The following THOP1 variants were observed in gnomAD, a reference collection of about 807,000 sequenced individuals.
The protein encoded by THOP1 is thimet oligopeptidase.
In THOP1, 49 loss-of-function variants were observed where a neutral mutation model predicts 71.8. The ratio of observed to expected loss-of-function variants is 0.68; its 90% confidence interval spans 0.54 to 0.87. The LOEUF is 0.87. THOP1 is among the 40% of genes least tolerant of loss of function. The probability of loss-of-function intolerance (pLI) is 0.00; values close to 1 mark genes in which losing one functional copy is unlikely to be tolerated. For missense variants in THOP1, 843 were observed against 975.6 expected, an observed-to-expected ratio of 0.86 and a Z score of 1.81; for synonymous variants, 426 against 421.5, an observed-to-expected ratio of 1.01 and a Z score of -0.13.
Position 2,806,712 on chromosome 19 carries a change from C to T in THOP1, c.751-205C>T, listed in dbSNP as rs1916300398. ...GTGAGGCCTTAGAGTCATCTGCACC[C>T]CTTCTGGTTCCAAAAAGGCCTTGGG... On this transcript the variant is annotated intron_variant, in intron 6 of 12. Coordinates refer to ENST00000307741, the MANE Select transcript of THOP1 (RefSeq NM_003249.5). 4.3e-5 allele frequency: 34 copies of T among 788,656 alleles called. No homozygotes were observed. In the South Asian group the frequency reaches 6.6e-4, roughly 15 times the overall value. The allele number at this position is 788,656 out of a possible 1,614,324, so 48.9% of individuals were successfully genotyped here. A position where few individuals can be genotyped will look rare whatever the true frequency, so the allele number is the denominator to read the frequency against.
intron 8 of THOP1, 173 bp downstream of exon 8, chr19:2,807,981 C>T: frequency 2.3e-6 from 2 of 861,204 alleles, no homozygotes; most frequent in South Asian, 4.0e-5. Flanking sequence ...TGCAGCTGTC[C>T]CCGTTTCCAG....
intron 1 of THOP1, 94 bp from the exon 2 acceptor site, chr19:2,790,327 C>A: frequency 8.3e-7 from 1 of 1,198,106 alleles, no homozygotes; most frequent in Non-Finnish European, 1.1e-6. Flanking sequence ...GGATGAGAAG[C>A]GGGTGATCCC....
chr19:2,808,152 G>T (rs920999191), intron 8 of THOP1, 91 bp from the exon 9 acceptor site: 92 of 1,417,272 alleles, frequency 6.5e-5, no homozygotes, highest in Non-Finnish European at 8.2e-5. Context: ...GGCGGTCTGG[G>T]TTAGCAGTCA....
Position 2,790,100 on chromosome 19 carries a change from C to G in THOP1, c.17-321C>G, listed in dbSNP as rs867589211. Among the ~76,000 whole-genome samples the G allele has an allele frequency of 3.3e-5, 5 of 152,244 alleles. No homozygotes were observed. In the South Asian group the frequency reaches 6.2e-4, roughly 19 times the overall value. On this transcript the variant is annotated intron_variant, in intron 1 of 12. Transcript: ENST00000307741. Reference sequence around the variant, plus strand: ...AGTATCATCTCTATTCCGGGCTGATCGTTCTCTGCTGGGGCCGTCCTGGTC... The same window carrying G: ...AGTATCATCTCTATTCCGGGCTGATGGTTCTCTGCTGGGGCCGTCCTGGTC...
chr19:2,813,335 C>A lies in THOP1; in HGVS notation c.*59C>A, dbSNP rs1429902774. The A allele has an allele frequency of 1.8e-5, 27 of 1,512,050 alleles. No homozygotes were observed. Among genetic ancestry groups the A allele is most frequent in the East Asian group, 2.4e-5 (1 of 41,100 alleles). The allele number at this position is 1,512,050 out of a possible 1,614,324, so 93.7% of individuals were successfully genotyped here. On this transcript the variant is annotated 3_prime_UTR_variant, in exon 13 of 13. Transcript: ENST00000307741. ...GCTCCCGCCGCCCTGGTGCCTTAGCCCCCGGCACAGGATGGGGCAGGCTCT... is the reference window on the plus strand; with the variant it reads ...GCTCCCGCCGCCCTGGTGCCTTAGCACCCGGCACAGGATGGGGCAGGCTCT...
chr19:2,797,555 C>G (rs1916049276), intron 4 of THOP1, among the ~76,000 whole-genome samples: 2 of 152,250 alleles, frequency 1.3e-5, no homozygotes, highest in African/African-American at 4.8e-5. Flanking sequence ...ATGAGATACC[C>G]AACACCTCAT....
rs1173058390 is a variant in THOP1 at position 2,813,190 on chromosome 19, C to G, written c.1984C>G (p.Leu662Val). 1 of 1,612,542 alleles carries G rather than the reference C, an allele frequency of 6.2e-7. No individual in the cohort carries two copies. The highest frequency in any genetic ancestry group is 1.1e-5 in the South Asian group (1 of 91,040). Reference protein sequence around the residue: ...EDASAMLRRFLGRDPKQDAFL... With the variant: ...EDASAMLRRFVGRDPKQDAFL... ...TGCCAGCGCCATGCTGAGGCGCTTC[C>G]TGGGCCGTGACCCCAAGCAGGACGC... Residue 662 changes from leucine to valine, a missense_variant, in exon 13 of 13, where the codon CTG becomes GTG. Physicochemically the swap from Leu to Val is conservative, Grantham distance 32. Transcript: ENST00000307741.
At chr19:2,810,564 G>T in intron 10 of THOP1, 74 bp downstream of exon 10, 1 of 1,525,800 alleles carries the variant, frequency 6.6e-7, no homozygotes. Flanking sequence ...CATGTGCCCC[G>T]GGTGGGGGTC....
In THOP1 at chr19:2,796,207, G is replaced by A; in HGVS notation, c.486+19G>A. The A allele has an allele frequency of 6.3e-7, 1 of 1,593,524 alleles. No homozygotes were observed. Among genetic ancestry groups the A allele is most frequent in the Non-Finnish European group, 8.6e-7 (1 of 1,164,046 alleles). On this transcript the variant is annotated intron_variant, in intron 4 of 12. Coordinates refer to ENST00000307741, the MANE Select transcript of THOP1 (RefSeq NM_003249.5). The stretch of plus-strand genomic sequence containing the variant: ...TCAGGAAGTGAGTGCTGGGTGTAGG[G>A]AGTGCTGGGCGTGGGCAATGGTCGA...
intron 2 of THOP1, among the ~76,000 whole-genome samples, chr19:2,794,161 C>T (rs1008495426): frequency 3.3e-5 from 5 of 151,988 alleles, no homozygotes; most frequent in Non-Finnish European, 5.9e-5. Flanking sequence ...ATTACAGGCA[C>T]GCGCCACCAC....
intron 12 of THOP1, 27 bp from the exon 13 acceptor site, chr19:2,813,088 G>T: frequency 6.3e-7 from 1 of 1,589,620 alleles, no homozygotes; most frequent in Non-Finnish European, 8.6e-7. Context: ...GTCCCCACCC[G>T]GCCACAGTGC....
intron 9 of THOP1, 109 bp from the exon 10 acceptor site, chr19:2,810,195 T>A: frequency 1.1e-5 from 14 of 1,321,794 alleles, no homozygotes; most frequent in Admixed American, 2.4e-5. Context: ...GCCCAGCGCA[T>A]CACCTGTGCA....
chr19:2,812,334 G>A, intron 12 of THOP1: 1 of 1,534,288 alleles, frequency 6.5e-7, no homozygotes, highest in Non-Finnish European at 8.7e-7. Flanking sequence ...GGCCGGCCCT[G>A]CCCTGCCTGG....
chr19:2,795,013 G>A (rs945109042), intron 3 of THOP1, 101 bp downstream of exon 3: 31 of 1,404,460 alleles, frequency 2.2e-5, no homozygotes, highest in African/African-American at 2.9e-5. Flanking sequence ...TAGTAGAGAC[G>A]GGGTTTCAAC....
chr19:2,810,134 C>T (rs1207690903), intron 9 of THOP1, 170 bp from the exon 10 acceptor site: 2 of 837,462 alleles, frequency 2.4e-6, no homozygotes, highest in East Asian at 5.4e-5. Flanking sequence ...AGCAGCAGCC[C>T]AGGGGCCTCC....
chr19:2,791,250 C>A (rs1255500356), intron 2 of THOP1, among the ~76,000 whole-genome samples: 1 of 152,214 alleles, frequency 6.6e-6, no homozygotes, highest in Non-Finnish European at 1.5e-5. Context: ...CCGAGCTCTG[C>A]CTAAGGCTGA....
At position 2,799,914 on chromosome 19, in the gene THOP1, G is replaced by C. The variant is rs1287236420; in HGVS notation, c.589+123G>C. ...CTGTGCTGAAGGGCGGCGGGAGGCC[G>C]AAGTACGTGGACCTGACCGCCCTGG... On this transcript the variant is annotated intron_variant, in intron 5 of 12. Transcript: ENST00000307741. 3 of 850,782 alleles carry C rather than the reference G, an allele frequency of 3.5e-6. No individual in the cohort carries two copies. In the Admixed American group the frequency reaches 7.3e-5, roughly 21 times the overall value. 52.7% of individuals were successfully genotyped at this position (850,782 alleles called of 1,614,324 possible). A position where few individuals can be genotyped will look rare whatever the true frequency, so the allele number is the denominator to read the frequency against.
intron 5 of THOP1, among the ~76,000 whole-genome samples, chr19:2,800,069 G>A (rs536658775): frequency 4.5e-4 from 68 of 152,236 alleles, no homozygotes; most frequent in Non-Finnish European, 8.8e-5. Flanking sequence ...TGGCAGTGGC[G>A]GAAGCCCAGG....
chr19:2,795,789 A>G (rs1455137466), intron 3 of THOP1, among the ~76,000 whole-genome samples: 1 of 152,194 alleles, frequency 6.6e-6, no homozygotes, highest in Non-Finnish European at 1.5e-5. Flanking sequence ...CTATGGTGTC[A>G]TCTACACCCC....
Sources: allele counts gnomAD v4.1 joint callset (sites outside exome capture counted in the v4.1 genomes callset), GRCh38; gene constraint gnomAD v4.1.1; transcripts MANE v1.5; gene names NCBI Gene and HGNC (gene_info 2026-07-23, HGNC 2026-07-21).